Variants in ZFHX3 observed in about 807,000 individuals in gnomAD.
The protein encoded by ZFHX3 is zinc finger homeobox protein 3.
In ZFHX3, 42 loss-of-function variants were observed where a neutral mutation model predicts 279.1. The observed-to-expected ratio is 0.15, with a 90% CI of 0.12 to 0.19. The LOEUF (loss-of-function observed/expected upper bound fraction) is 0.19, where lower values mean the gene tolerates loss of function less well. Ranked by LOEUF, ZFHX3 falls within the 10% of genes least tolerant of loss-of-function variation. ZFHX3 has a pLI of 1.00. For missense variants in ZFHX3, 4,981 were observed against 4,754.0 expected (o/e 1.05, Z -1.40); for synonymous variants, 2,293 against 1,957.8 (o/e 1.17, Z -4.52).
chr16:73,586,305 C>T (rs908830276), intron 2 of ZFHX3, among the ~76,000 whole-genome samples: 1 of 149,674 alleles, frequency 6.7e-6, no homozygotes, highest in Non-Finnish European at 1.5e-5. Context: ...ATGAAAATCA[C>T]TTGAAACCAG....
chr16:73,353,307 C>T (rs72799413), intron 3 of ZFHX3, among the ~76,000 whole-genome samples: 23,683 of 152,192 alleles, frequency 0.16, 2,111 homozygotes, highest in African/African-American at 0.25. Flanking sequence ...GTCCCCCTGG[C>T]CAGAGTGGAG....
At chr16:73,288,466 T>G in intron 4 of ZFHX3, among the ~76,000 whole-genome samples, 1 of 152,158 alleles carries the variant, frequency 6.6e-6, no homozygotes, top group Admixed American at 6.5e-5. Context: ...CCTGCACTGA[T>G]AGCTGAAGAC....
At chr16:73,455,713 C>CT (rs1567489529) in intron 3 of ZFHX3, among the ~76,000 whole-genome samples, 2 of 138,984 alleles carry the variant, frequency 1.4e-5, no homozygotes, top group Non-Finnish European at 3.1e-5. Flanking sequence ...AATTTTCTTC[C>CT]TTTTTTTAAA....
chr16:73,188,019 G>A (rs1447044606), intron 5 of ZFHX3, among the ~76,000 whole-genome samples: 3 of 151,948 alleles, frequency 2.0e-5, no homozygotes, highest in African/African-American at 4.8e-5. Flanking sequence ...CTGCCACCAC[G>A]CCTGGCTAAT....
At chr16:73,787,458 G>A (rs1333816810) in intron 1 of ZFHX3, among the ~76,000 whole-genome samples, 10 of 152,168 alleles carry the variant, frequency 6.6e-5, no homozygotes, top group Non-Finnish European at 1.0e-4. Flanking sequence ...GTACTGTTCA[G>A]CTGTCCAGGA....
At chr16:73,797,219 C>G (rs1349625498) in intron 1 of ZFHX3, among the ~76,000 whole-genome samples, 1 of 142,032 alleles carries the variant, frequency 7.0e-6, no homozygotes. Context: ...AACAAACAAA[C>G]AACAACAACA....
chr16:73,801,613 C>T (rs1269084484), intron 1 of ZFHX3, among the ~76,000 whole-genome samples: 2 of 152,226 alleles, frequency 1.3e-5, no homozygotes, highest in African/African-American at 4.8e-5. Flanking sequence ...GTTTCCATTT[C>T]TGCAACCACT....
intron 1 of ZFHX3, among the ~76,000 whole-genome samples, chr16:73,758,558 T>A (rs1166598884): frequency 1.3e-5 from 2 of 152,200 alleles, no homozygotes; most frequent in African/African-American, 4.8e-5. Flanking sequence ...ACCATCTGGT[T>A]GTTGGGGATA....
chr16:73,565,684 C>T (rs1230046737), intron 2 of ZFHX3, among the ~76,000 whole-genome samples: 1 of 152,210 alleles, frequency 6.6e-6, no homozygotes, highest in Non-Finnish European at 1.5e-5. Context: ...CAATCTGGAT[C>T]TCCCTTCTAA....
chr16:73,750,313 T>C (rs2053750451), intron 1 of ZFHX3, among the ~76,000 whole-genome samples: 1 of 151,998 alleles, frequency 6.6e-6, no homozygotes, highest in Non-Finnish European at 1.5e-5. Flanking sequence ...GGGTCTGGAG[T>C]GTACGATCTG....
At chr16:73,346,566 G>A (rs753469633) in intron 3 of ZFHX3, among the ~76,000 whole-genome samples, 47 of 152,312 alleles carry the variant, frequency 3.1e-4, no homozygotes, top group African/African-American at 4.1e-4. Context: ...CCACCTCCCC[G>A]GTTCAAGCGA....
intron 5 of ZFHX3, among the ~76,000 whole-genome samples, chr16:73,252,698 G>A (rs1474936565): frequency 6.6e-6 from 1 of 152,066 alleles, no homozygotes; most frequent in African/African-American, 2.4e-5. Context: ...TAGAAACATC[G>A]GTCACATGGA....
intron 1 of ZFHX3, among the ~76,000 whole-genome samples, chr16:73,840,200 C>T (rs115970756): frequency 3.3e-5 from 5 of 151,944 alleles, no homozygotes; most frequent in Admixed American, 6.6e-5. Flanking sequence ...TGAGGATGAA[C>T]GTAGCAGGGA....
chr16:73,774,007 A>G (rs2054049310), intron 1 of ZFHX3, among the ~76,000 whole-genome samples: 1 of 152,058 alleles, frequency 6.6e-6, no homozygotes, highest in Non-Finnish European at 1.5e-5. Flanking sequence ...GCACGGTGAC[A>G]TGTGCTTGTA....
At chr16:72,957,348 A>T (rs1187620651) in intron 2 of ZFHX3, 79 bp downstream of exon 2, 1 of 1,485,104 alleles carries the variant, frequency 6.7e-7, no homozygotes, top group Admixed American at 2.2e-5. Context: ...CTGAATCCAC[A>T]GGACTATCTC....
chr16:73,070,370 A>G (rs534491605), intron 8 of ZFHX3, among the ~76,000 whole-genome samples: 4 of 152,216 alleles, frequency 2.6e-5, no homozygotes, highest in African/African-American at 9.6e-5. Flanking sequence ...TCCCTGGCCC[A>G]AGACACTCAT....
chr16:73,189,482 C>G (rs1403947616), intron 5 of ZFHX3, among the ~76,000 whole-genome samples: 2 of 152,220 alleles, frequency 1.3e-5, no homozygotes, highest in Non-Finnish European at 2.9e-5. Context: ...ATCTAGAAGA[C>G]TTAATAGGTC....
chr16:73,391,507 G>T (rs915629521), intron 3 of ZFHX3, among the ~76,000 whole-genome samples: 1 of 152,012 alleles, frequency 6.6e-6, no homozygotes, highest in Non-Finnish European at 1.5e-5. Flanking sequence ...AGGCTTAGCT[G>T]TGCTGCTTGT....
In ZFHX3 at chr16:73,580,267, C is replaced by G. The variant is rs1213167581; in HGVS notation, c.-1547+99913G>C. Among the ~76,000 whole-genome samples the G allele has an allele frequency of 3.3e-5, 5 of 151,970 alleles. No homozygotes were observed. In the South Asian group the frequency reaches 1.0e-3, roughly 31 times the overall value. The stretch of plus-strand genomic sequence containing the variant: ...GGCCAAGGCGGGCAGATCACAAGGT[C>G]AAGAGGTTGAGACCATCCTGGCCAA... On this transcript the variant is annotated intron_variant, in intron 2 of 17. Transcript: ENST00000641206.
Sources: gnomAD v4.1 joint callset for allele counts (sites outside exome capture counted in the v4.1 genomes callset) on GRCh38, gnomAD v4.1.1 for gene constraint, MANE v1.5 for transcripts, NCBI Gene and HGNC (gene_info 2026-07-23, HGNC 2026-07-21) for gene names.